Variants in LRP1B observed in about 807,000 individuals in gnomAD.
LRP1B encodes LDL receptor related protein 1B, also known as low-density lipoprotein receptor-related protein 1B.
Under a neutral mutation model 556.6 loss-of-function variants are expected in LRP1B, and 217 were observed. That is an observed-to-expected ratio of 0.39 (90% CI 0.35 to 0.44). The LOEUF (loss-of-function observed/expected upper bound fraction) is 0.44, where lower values mean the gene tolerates loss of function less well. LRP1B is among the 20% of genes least tolerant of loss of function. The probability of loss-of-function intolerance (pLI) is 1.00; values close to 1 mark genes in which losing one functional copy is unlikely to be tolerated. For synonymous variants in LRP1B, 2,047 were observed against 1,865.8 expected (o/e 1.10, Z -2.50); for missense variants, 5,053 against 5,620.8 (o/e 0.90, Z 3.23).
At chr2:141,183,311 C>A (rs1264782235) in intron 7 of LRP1B, among the ~76,000 whole-genome samples, 1 of 151,990 alleles carries the variant, frequency 6.6e-6, no homozygotes, top group Non-Finnish European at 1.5e-5. Context: ...TAGGCAAACC[C>A]GCTTCATTTG....
At chr2:140,518,872 G>C (rs999663054) in intron 49 of LRP1B, among the ~76,000 whole-genome samples, 3 of 152,252 alleles carry the variant, frequency 2.0e-5, no homozygotes, top group Middle Eastern at 3.4e-3. Context: ...CACGTCATCT[G>C]CAAACACGGA....
intron 1 of LRP1B, among the ~76,000 whole-genome samples, chr2:142,101,006 C>T (rs550887848): frequency 2.6e-5 from 4 of 151,690 alleles, no homozygotes; most frequent in Non-Finnish European, 4.4e-5. Flanking sequence ...TAAATCATAT[C>T]GCACAGGTAC....
intron 3 of LRP1B, among the ~76,000 whole-genome samples, chr2:141,311,442 G>C (rs1686810671): frequency 6.6e-6 from 1 of 152,096 alleles, no homozygotes; most frequent in African/African-American, 2.4e-5. Context: ...TTATTAGTGA[G>C]CTGGGTTTTT....
intron 66 of LRP1B, among the ~76,000 whole-genome samples, chr2:140,427,602 C>T (rs1051046253): frequency 7.9e-5 from 12 of 152,258 alleles, no homozygotes; most frequent in Middle Eastern, 3.4e-3. Flanking sequence ...TAATTCTTGT[C>T]GTAAAATGGG....
rs548630998 is a variant in LRP1B at position 141,065,943 on chromosome 2, T to C, written c.1014-3670A>G. Among the ~76,000 whole-genome samples the C allele has an allele frequency of 9.2e-5, 14 of 152,004 alleles. No individual in the cohort carries two copies. The East Asian group carries it at 2.2e-3, about 23-fold the overall frequency. ...AGCCCTATGCCCCATTCCCTTAGGA[T>C]TGCAATACTAATACTTTTTAAAAAT... On this transcript the variant is annotated intron_variant, in intron 7 of 90. Coordinates refer to ENST00000389484, the MANE Select transcript of LRP1B (RefSeq NM_018557.3).
chr2:142,122,062 A>C (rs1034449285), intron 1 of LRP1B, among the ~76,000 whole-genome samples: 2 of 152,146 alleles, frequency 1.3e-5, no homozygotes, highest in Admixed American at 6.6e-5. Context: ...CACTCTGTGC[A>C]CTCACAGAAC....
intron 27 of LRP1B, among the ~76,000 whole-genome samples, chr2:140,856,839 G>T (rs756410447): frequency 1.4e-4 from 21 of 151,738 alleles, no homozygotes; most frequent in Non-Finnish European, 2.6e-4. Flanking sequence ...AGGGACATTT[G>T]GATTCATATG....
At chr2:140,982,327 A>G (rs1696796041) in intron 17 of LRP1B, 51 bp from the exon 18 acceptor site, 2 of 1,102,192 alleles carry the variant, frequency 1.8e-6, no homozygotes. Flanking sequence ...CATTTTGAAC[A>G]TCAAGGATAT....
intron 40 of LRP1B, 145 bp from the exon 41 acceptor site, chr2:140,700,766 A>T (rs184554184): frequency 1.4e-4 from 113 of 835,358 alleles, no homozygotes; most frequent in South Asian, 5.1e-4. Context: ...ATAAAAAATT[A>T]AAAAAGTATT....
Position 141,603,261 on chromosome 2 carries a change from A to C in LRP1B, c.206-122728T>G, listed in dbSNP as rs540780353. Among the ~76,000 whole-genome samples, 6 of 152,332 alleles carry C rather than the reference A, an allele frequency of 3.9e-5. No individual in the cohort carries two copies. The South Asian group carries it at 8.3e-4, about 21-fold the overall frequency. The stretch of plus-strand genomic sequence containing the variant: ...AAGTGGTCTCCTATAGGTGCCAATC[A>C]TTTCATAGAAAACCTGTGTCAATAA... On this transcript the variant is annotated intron_variant, in intron 2 of 90. Transcript: ENST00000389484.
chr2:141,412,043 G>C (rs547172962), intron 3 of LRP1B, among the ~76,000 whole-genome samples: 4 of 151,814 alleles, frequency 2.6e-5, no homozygotes, highest in Non-Finnish European at 5.9e-5. Context: ...AATTTACATT[G>C]CATTGTGCTA....
intron 2 of LRP1B, among the ~76,000 whole-genome samples, chr2:141,575,276 G>A (rs1202288300): frequency 3.9e-5 from 6 of 152,064 alleles, no homozygotes; most frequent in Non-Finnish European, 5.9e-5. Context: ...TAGACCAATG[G>A]AGCAGGACAG....
At chr2:141,744,195 T>C (rs77533460) in intron 2 of LRP1B, among the ~76,000 whole-genome samples, 11,235 of 152,092 alleles carry the variant, frequency 0.074, 1,371 homozygotes, top group African/African-American at 0.26. Flanking sequence ...GCTTTCATTG[T>C]CATTTGTTTC....
At chr2:141,764,971 T>C (rs1694687144) in intron 2 of LRP1B, among the ~76,000 whole-genome samples, 4 of 152,140 alleles carry the variant, frequency 2.6e-5, no homozygotes, top group Admixed American at 2.6e-4. Flanking sequence ...CTAATATTAT[T>C]GAAGCTGGCT....
At position 141,183,383 on chromosome 2, in the gene LRP1B, A is replaced by C. The variant is rs1249425; in HGVS notation, c.1013+5038T>G. ...ATTTCATTAGTCAGTCCTGCTCCCG[A>C]TAGCTGTTAACTTTGATTCAATCTT... On this transcript the variant is annotated intron_variant, in intron 7 of 90. Transcript: ENST00000389484. Among the ~76,000 whole-genome samples the C allele has an allele frequency of 7.5e-3, 1,136 of 152,160 alleles. 11 individuals carry two copies. Among genetic ancestry groups the C allele is most frequent in the African/African-American group, 0.026 (1,094 of 41,538 alleles).
intron 15 of LRP1B, among the ~76,000 whole-genome samples, chr2:140,999,575 T>G (rs1481560444): frequency 6.6e-6 from 1 of 152,112 alleles, no homozygotes; most frequent in Non-Finnish European, 1.5e-5. Context: ...CACAGAGATA[T>G]GCAGTGATAG....
At chr2:142,016,587 CA>C (rs1311947457) in intron 1 of LRP1B, among the ~76,000 whole-genome samples, 1 of 151,692 alleles carries the variant, frequency 6.6e-6, no homozygotes, top group African/African-American at 2.4e-5. Flanking sequence ...AACAGAAAAC[CA>C]AACACCACAT....
intron 71 of LRP1B, among the ~76,000 whole-genome samples, chr2:140,365,103 G>T (rs1682697310): frequency 2.0e-5 from 3 of 151,442 alleles, no homozygotes; most frequent in South Asian, 2.1e-4. Context: ...TGAATACACA[G>T]AAATTTATAT....
chr2:140,532,947 T>TATATATATATACACAC, intron 47 of LRP1B, among the ~76,000 whole-genome samples: 1 of 124,282 alleles, frequency 8.0e-6, no homozygotes, highest in African/African-American at 3.2e-5. Context: ...TATATATATA[T>TATATATATATACACAC]ACACATATAT....
Sources: gnomAD v4.1 joint callset for allele counts (sites outside exome capture counted in the v4.1 genomes callset) on GRCh38, gnomAD v4.1.1 for gene constraint, MANE v1.5 for transcripts, NCBI Gene and HGNC (gene_info 2026-07-23, HGNC 2026-07-21) for gene names.